Variants in ZFYVE16 observed in about 807,000 individuals in gnomAD.
ZFYVE16 encodes the protein zinc finger FYVE domain-containing protein 16.
ZFYVE16 carries 89 observed loss-of-function variants against 138.1 expected under a neutral mutation model. That is an observed-to-expected ratio of 0.64 (90% CI 0.54 to 0.77). ZFYVE16 has a LOEUF of 0.77. Ranked by LOEUF, ZFYVE16 falls within the 30% of genes least tolerant of loss-of-function variation. The probability of loss-of-function intolerance (pLI) is 0.00; values close to 1 mark genes in which losing one functional copy is unlikely to be tolerated. For missense variants in ZFYVE16, 1,793 were observed against 1,786.7 expected (o/e 1.00, Z -0.06); for synonymous variants, 596 against 618.3 (o/e 0.96, Z 0.53).
In ZFYVE16 at chr5:80,473,845, G is replaced by A; in HGVS notation, c.4279G>A (p.Val1427Ile). The change falls in exon 17 of 19, where the codon GTA (valine) becomes ATA (isoleucine). Residue 1427 changes from valine (V) to isoleucine (I), a missense_variant. Transcript: ENST00000505560. ...AGATTTTGAAACCGATGAGAAGATT[G>A]TAAAATGTACCGAGGTAACTAAGAA... is the stretch of plus-strand genomic sequence containing the variant. ...EADFETDEKI[V>I]KCTEVFYFLK... 1 of 1,612,476 alleles carries A rather than the reference G, an allele frequency of 6.2e-7. No individual in the cohort carries two copies. The highest frequency in any genetic ancestry group is 8.5e-7 in the Non-Finnish European group (1 of 1,179,062).
intron 15 of ZFYVE16, among the ~76,000 whole-genome samples, chr5:80,459,975 A>C (rs1752937221): frequency 6.6e-6 from 1 of 152,158 alleles, no homozygotes; most frequent in Non-Finnish European, 1.5e-5. Context: ...ATCTATTCTA[A>C]GAATATATTC....
chr5:80,479,510 C>T lies in ZFYVE16; in HGVS notation c.*2133C>T, dbSNP rs138948945. ...TGGATTCCATGCCACAAGTAGTATGCGCTTAAGTGCAGAGCATGCCAAGAG... is the reference window on the plus strand; with the variant it reads ...TGGATTCCATGCCACAAGTAGTATGTGCTTAAGTGCAGAGCATGCCAAGAG... On this transcript the variant is annotated 3_prime_UTR_variant, in exon 19 of 19. Coordinates refer to ENST00000505560, the MANE Select transcript of ZFYVE16 (RefSeq NM_001284236.3). Among the ~76,000 whole-genome samples the T allele has an allele frequency of 6.7e-3, 1,015 of 152,246 alleles. 12 individuals carry two copies. Among genetic ancestry groups the T allele is most frequent in the African/African-American group, 0.022 (902 of 41,550 alleles).
intron 2 of ZFYVE16, among the ~76,000 whole-genome samples, chr5:80,430,298 C>T (rs1383596071): frequency 3.9e-5 from 6 of 151,968 alleles, no homozygotes; most frequent in African/African-American, 1.4e-4. Flanking sequence ...CTCAAAACTG[C>T]TCAACTACAT....
At chr5:80,441,279 A>G in intron 5 of ZFYVE16, 8 of 985,422 alleles carry the variant, frequency 8.1e-6, no homozygotes, top group Non-Finnish European at 8.4e-6. Context: ...ATTCAGACAT[A>G]TTTTGACTCT....
chr5:80,477,304 A>T lies in ZFYVE16; in HGVS notation c.4547A>T (p.His1516Leu). 1 of 1,610,346 alleles carries T rather than the reference A, an allele frequency of 6.2e-7. No individual in the cohort carries two copies. Among genetic ancestry groups the T allele is most frequent in the Non-Finnish European group, 8.5e-7 (1 of 1,178,766 alleles). The change falls in exon 19 of 19, where the codon CAT becomes CTT. Residue 1516 changes from histidine (H) to leucine (L), a missense_variant. Transcript: ENST00000505560. ...GATAGTGCTCTGATACCTGTGATCC[A>T]TGGTGGGACCTCCAACTCTAGTTTA... Reference protein sequence around the residue: ...DLDSALIPVIHGGTSNSSLPL... With the variant: ...DLDSALIPVILGGTSNSSLPL...
Position 80,448,183 on chromosome 5 carries a change from C to A in ZFYVE16, c.2882C>A (p.Thr961Asn). 6.2e-7 allele frequency: 1 copy of A among 1,613,950 alleles called. No individual in the cohort carries two copies. Among genetic ancestry groups the A allele is most frequent in the Admixed American group, 1.7e-5 (1 of 60,022 alleles). Residue 961 changes from threonine to asparagine, a missense_variant, in exon 8 of 19, where the codon ACT (threonine) becomes AAT (asparagine). By Grantham distance (65) the Thr-to-Asn change is moderately conservative (BLOSUM62 0). Coordinates refer to ENST00000505560, the MANE Select transcript of ZFYVE16 (RefSeq NM_001284236.3). ...AACACAGGAAATGAGGGGTTACCTA[C>A]TTCTGGTTCATTTACACTAGATGAT... ...SMNTGNEGLP[T>N]SGSFTLDDDV...
chr5:80,450,373 C>A, intron 9 of ZFYVE16, 58 bp from the exon 10 acceptor site: 1 of 1,524,076 alleles, frequency 6.6e-7, no homozygotes. Flanking sequence ...AACAATTGTT[C>A]TTAGTTTTTT....
intron 2 of ZFYVE16, among the ~76,000 whole-genome samples, chr5:80,428,972 A>G (rs890321988): frequency 2.0e-5 from 3 of 152,210 alleles, no homozygotes. Flanking sequence ...GACCAAATCT[A>G]CGTCTAATTG....
At chr5:80,435,411 C>G (rs557276170) in intron 3 of ZFYVE16, among the ~76,000 whole-genome samples, 1 of 152,192 alleles carries the variant, frequency 6.6e-6, no homozygotes, top group Non-Finnish European at 1.5e-5. Context: ...TCAGGTTATC[C>G]GCCTGTCTCA....
In ZFYVE16 at chr5:80,478,228, G is replaced by A. The variant is rs1393731859; in HGVS notation, c.*851G>A. The A allele has an allele frequency of 2.0e-5, 3 of 151,830 alleles. No homozygotes were observed. Among genetic ancestry groups the A allele is most frequent in the Admixed American group, 6.6e-5 (1 of 15,240 alleles). The allele number at this position is 151,830 out of a possible 1,614,324, so 9.4% of individuals were successfully genotyped here. A position where few individuals can be genotyped will look rare whatever the true frequency, so the allele number is the denominator to read the frequency against. On this transcript the variant is annotated 3_prime_UTR_variant, in exon 19 of 19. Transcript: ENST00000505560. ...TTTACCACTTCTAAGAGTGACTGAC[G>A]ACGGGCCAGATGACCCTTGAAGTAG...
In ZFYVE16 at chr5:80,439,944, T is replaced by A. The variant is rs1292116686; in HGVS notation, c.2331T>A (p.Cys777Ter). The A allele has an allele frequency of 1.2e-6, 2 of 1,606,972 alleles. No homozygotes were observed. The highest frequency in any genetic ancestry group is 1.7e-6 in the Non-Finnish European group (2 of 1,176,596). The change falls in exon 5 of 19, where the codon TGT becomes TGA. Residue 777 changes from cysteine to a stop codon, truncating the protein, a stop_gained. Coordinates refer to ENST00000505560, the MANE Select transcript of ZFYVE16 (RefSeq NM_001284236.3). LOFTEE classifies it high-confidence loss of function. The stretch of plus-strand genomic sequence containing the variant: ...TATTTTATTCTTTATAGGTATTTTG[T>A]GGTGTCTGTTGTAATAGGAAGTGTA... ...HHCRACGKVFCGVCCNRKCKL... is the reference protein window; with the variant it reads ...HHCRACGKVF
At chr5:80,420,555 T>A (rs1202454046) in intron 1 of ZFYVE16, among the ~76,000 whole-genome samples, 1 of 152,182 alleles carries the variant, frequency 6.6e-6, no homozygotes, top group African/African-American at 2.4e-5. Flanking sequence ...GTTTGGTTTT[T>A]TGTCCTTGCG....
At chr5:80,439,028 A>G (rs777873427) in intron 4 of ZFYVE16, 21 bp downstream of exon 4, 2 of 1,584,592 alleles carry the variant, frequency 1.3e-6, no homozygotes, top group East Asian at 4.5e-5. Context: ...AAAATCTTTT[A>G]AGTCTTTTGT....
At chr5:80,439,043 T>G (rs1271746709) in intron 4 of ZFYVE16, 36 bp downstream of exon 4, 1 of 1,554,708 alleles carries the variant, frequency 6.4e-7, no homozygotes, top group East Asian at 2.3e-5. Flanking sequence ...TTTTGTTCTT[T>G]TGAGACATTT....
chr5:80,429,943 T>G (rs1245745532), intron 2 of ZFYVE16, among the ~76,000 whole-genome samples: 1 of 152,156 alleles, frequency 6.6e-6, no homozygotes, highest in East Asian at 1.9e-4. Flanking sequence ...ATAAAGCAAG[T>G]TCTTAGAGAC....
Position 80,437,278 on chromosome 5 carries a change from A to T in ZFYVE16, c.593A>T (p.Asn198Ile), listed in dbSNP as rs141650355. The stretch of plus-strand genomic sequence containing the variant: ...AATGATATCAGTTCTGAATTACAAA[A>T]TAGAGAAATCGGAGGAATCAAAGAA... ...QQNDISSELQNREIGGIKELG... is the reference protein window; with the variant it reads ...QQNDISSELQIREIGGIKELG... The change falls in exon 4 of 19, where the codon AAT becomes ATT. Residue 198 changes from asparagine (N) to isoleucine (I), a missense_variant. Coordinates refer to ENST00000505560, the MANE Select transcript of ZFYVE16 (RefSeq NM_001284236.3). The T allele has an allele frequency of 3.1e-6, 5 of 1,610,750 alleles. No individual in the cohort carries two copies. The highest frequency in any genetic ancestry group is 3.4e-6 in the Non-Finnish European group (4 of 1,178,250).
intron 1 of ZFYVE16, among the ~76,000 whole-genome samples, chr5:80,421,953 G>A (rs937747349): frequency 2.0e-5 from 3 of 152,154 alleles, no homozygotes; most frequent in Non-Finnish European, 4.4e-5. Context: ...GCATTTGTTT[G>A]TGTCCTCTTT....
At chr5:80,427,996 A>G (rs1224207756) in intron 2 of ZFYVE16, among the ~76,000 whole-genome samples, 1 of 150,724 alleles carries the variant, frequency 6.6e-6, no homozygotes, top group Non-Finnish European at 1.5e-5. Flanking sequence ...AAAAAAAAAA[A>G]GATGCGGTTC....
At chr5:80,412,566 T>G (rs1192046426) in intron 1 of ZFYVE16, among the ~76,000 whole-genome samples, 7 of 152,162 alleles carry the variant, frequency 4.6e-5, no homozygotes, top group Admixed American at 4.6e-4. Context: ...ACAAATTATA[T>G]TATCTTTTTT....
Sources: gnomAD v4.1 joint callset for allele counts (sites outside exome capture counted in the v4.1 genomes callset) on GRCh38, gnomAD v4.1.1 for gene constraint, MANE v1.5 for transcripts, NCBI Gene and HGNC (gene_info 2026-07-23, HGNC 2026-07-21) for gene names.